Variants in FBXO15 observed in about 807,000 individuals in gnomAD.
FBXO15 encodes F-box only protein 15.
Under a neutral mutation model 49.5 loss-of-function variants are expected in FBXO15, and 30 were observed. The ratio of observed to expected loss-of-function variants is 0.61; its 90% CI spans 0.45 to 0.82. The LOEUF is 0.82. Among genes scored for constraint, FBXO15 ranks in the 40% least tolerant of loss-of-function variants. FBXO15 has a pLI of 0.00. For missense variants in FBXO15, 591 were observed against 631.5 expected (o/e 0.94, Z 0.69); for synonymous variants, 250 against 232.7 (o/e 1.07, Z -0.68).
chr18:74,092,594 C>T (rs747766781), intron 8 of FBXO15, among the ~76,000 whole-genome samples: 3 of 152,052 alleles, frequency 2.0e-5, no homozygotes, highest in South Asian at 2.1e-4. Context: ...ATGATTGTGA[C>T]GTAAGGTAGG....
intron 8 of FBXO15, among the ~76,000 whole-genome samples, chr18:74,120,847 A>C (rs1914436155): frequency 6.6e-6 from 1 of 151,224 alleles, no homozygotes; most frequent in Admixed American, 6.6e-5. Flanking sequence ...TACAAAACAA[A>C]ATAATACAGA....
At chr18:74,133,436 T>C (rs1978519583) in intron 3 of FBXO15, among the ~76,000 whole-genome samples, 1 of 152,186 alleles carries the variant, frequency 6.6e-6, no homozygotes, top group Admixed American at 6.5e-5. Flanking sequence ...TGTATCAGCT[T>C]ATCTGAAGAG....
At chr18:74,137,992 C>T (rs899560418) in intron 2 of FBXO15, among the ~76,000 whole-genome samples, 4 of 152,072 alleles carry the variant, frequency 2.6e-5, no homozygotes, top group African/African-American at 9.7e-5. Context: ...ATCAAAGCAC[C>T]GGTGCTCTAG....
chr18:74,101,092 G>C (rs1383629267), intron 8 of FBXO15, among the ~76,000 whole-genome samples: 2 of 151,942 alleles, frequency 1.3e-5, no homozygotes, highest in African/African-American at 4.8e-5. Flanking sequence ...AACCAGGATA[G>C]GACATAACCA....
rs1189185539 is a variant in FBXO15, at chr18:74,147,757, T to G, written c.29A>C (p.Gln10Pro). The change falls in exon 1 of 10, where the codon CAG (glutamine) becomes CCG (proline). Residue 10 changes from glutamine (Q) to proline (P), a missense_variant. Gln to Pro is a moderately conservative substitution (Grantham distance 76). Coordinates refer to ENST00000419743, the MANE Select transcript of FBXO15 (RefSeq NM_001142958.2). ...CGTCTGGAGGCCGAGCCAGTGCTGC[T>G]GCAAGATCCGACCGCGTCCAGTCGC... is the stretch of plus-strand genomic sequence containing the variant. MATGRGRILQQHWLGLQTLR... is the reference protein window; with the variant it reads MATGRGRILPQHWLGLQTLR... The G allele has an allele frequency of 1.3e-6, 2 of 1,535,758 alleles. No individual in the cohort carries two copies. The highest frequency in any genetic ancestry group is 1.2e-5 in the South Asian group (1 of 83,114).
chr18:74,081,085 A>G (rs1912474187), intron 9 of FBXO15, among the ~76,000 whole-genome samples: 1 of 152,260 alleles, frequency 6.6e-6, no homozygotes, highest in African/African-American at 2.4e-5. Flanking sequence ...AACATTTGCT[A>G]TGAATAAATA....
intron 2 of FBXO15, 77 bp downstream of exon 2, chr18:74,140,125 T>C: frequency 1.6e-6 from 2 of 1,226,328 alleles, no homozygotes; most frequent in Non-Finnish European, 2.3e-6. Context: ...CAACTTGGTA[T>C]ATACAGCATC....
intron 8 of FBXO15, among the ~76,000 whole-genome samples, chr18:74,119,973 C>T (rs144516642): frequency 8.5e-4 from 129 of 152,278 alleles, no homozygotes; most frequent in African/African-American, 3.0e-3. Context: ...ACAGTGGTGG[C>T]ACCAGGTCAG....
At chr18:74,116,953 C>T (rs1914258704) in intron 8 of FBXO15, among the ~76,000 whole-genome samples, 2 of 150,582 alleles carry the variant, frequency 1.3e-5, no homozygotes, top group East Asian at 3.9e-4. Context: ...CACCTACATT[C>T]CACAGACGTG....
At chr18:74,093,743 T>C (rs1306445325) in intron 8 of FBXO15, among the ~76,000 whole-genome samples, 1 of 152,234 alleles carries the variant, frequency 6.6e-6, no homozygotes, top group Admixed American at 6.5e-5. Context: ...AAGTCATCCA[T>C]GAGGGTTAGA....
intron 8 of FBXO15, among the ~76,000 whole-genome samples, chr18:74,105,587 G>C (rs1440082549): frequency 6.6e-6 from 1 of 150,420 alleles, no homozygotes; most frequent in Admixed American, 6.7e-5. Context: ...TTACAGGTGT[G>C]TGCCACCATA....
At chr18:74,145,269 G>A (rs1175065635) in intron 1 of FBXO15, among the ~76,000 whole-genome samples, 4 of 152,278 alleles carry the variant, frequency 2.6e-5, no homozygotes, top group South Asian at 2.1e-4. Context: ...TATTTAATTG[G>A]AATATGAAGG....
chr18:74,130,389 C>A (rs1483315017), intron 4 of FBXO15, 27 bp downstream of exon 4: 1 of 1,611,930 alleles, frequency 6.2e-7, no homozygotes, highest in African/African-American at 1.3e-5. Flanking sequence ...CTGATGCCAT[C>A]ATTCTCTTTT....
At chr18:74,081,555 G>T (rs1447816429) in intron 9 of FBXO15, among the ~76,000 whole-genome samples, 1 of 152,218 alleles carries the variant, frequency 6.6e-6, no homozygotes, top group African/African-American at 2.4e-5. Flanking sequence ...GGATGATCAA[G>T]ATGTTTTGAG....
rs540904286 is a variant in FBXO15, at chr18:74,081,912, C to T, written c.1263+15G>A. The T allele has an allele frequency of 3.1e-5, 48 of 1,544,654 alleles. No homozygotes were observed. The highest frequency in any genetic ancestry group is 8.3e-5 in the Admixed American group (4 of 48,258). The stretch of plus-strand genomic sequence containing the variant: ...ATCAAGTTACTTGAAGAAAAGAAAA[C>T]GGTTCTGTTTTTACCTTTATACAGC... On this transcript the variant is annotated intron_variant, in intron 9 of 9. Transcript: ENST00000419743.
chr18:74,114,190 A>G (rs1914137395), intron 8 of FBXO15, among the ~76,000 whole-genome samples: 1 of 152,220 alleles, frequency 6.6e-6, no homozygotes, highest in Non-Finnish European at 1.5e-5. Context: ...TGACAAGCCC[A>G]GAGTAAAAAC....
intron 4 of FBXO15, among the ~76,000 whole-genome samples, chr18:74,130,112 T>C (rs1978320227): frequency 6.6e-6 from 1 of 152,210 alleles, no homozygotes; most frequent in Non-Finnish European, 1.5e-5. Context: ...TTATAATACC[T>C]AATACAATGT....
At chr18:74,095,960 C>A (rs73474860) in intron 8 of FBXO15, among the ~76,000 whole-genome samples, 1,836 of 152,230 alleles carry the variant, frequency 0.012, 38 homozygotes, top group African/African-American at 0.042. Flanking sequence ...AAGTGAAAGA[C>A]CCTGAGCAGA....
chr18:74,078,410 A>C (rs1599129852), intron 9 of FBXO15: 2 of 122,124 alleles, frequency 1.6e-5, no homozygotes, highest in East Asian at 4.9e-4. Context: ...AGCCCACCCC[A>C]GGCAGGACAG....
Sources: gnomAD v4.1 joint callset for allele counts (sites outside exome capture counted in the v4.1 genomes callset) on GRCh38, gnomAD v4.1.1 for gene constraint, MANE v1.5 for transcripts, NCBI Gene and HGNC (gene_info 2026-07-23, HGNC 2026-07-21) for gene names.